The following NCAM1 variants were observed in gnomAD, a reference collection of about 807,000 sequenced individuals.
The protein encoded by NCAM1 is neural cell adhesion molecule 1.
A neutral mutation model predicts 109.8 loss-of-function variants in NCAM1; 14 were observed. The ratio of observed to expected loss-of-function variants is 0.13; its 90% confidence interval spans 0.08 to 0.20. NCAM1 has a LOEUF of 0.20. Among genes scored for constraint, NCAM1 ranks in the 10% least tolerant of loss-of-function variants. The pLI is 1.00. For missense variants in NCAM1, 774 were observed against 1,109.9 expected, an observed-to-expected ratio of 0.70 and a Z score of 4.30; for synonymous variants, 418 against 442.9, an observed-to-expected ratio of 0.94 and a Z score of 0.70.
chr11:113,224,389 G>A (rs533546325), intron 9 of NCAM1, among the ~76,000 whole-genome samples: 2 of 152,352 alleles, frequency 1.3e-5, no homozygotes, highest in Admixed American at 6.5e-5. Context: ...TGGGGGAGGG[G>A]CGCCCGCCAT....
chr11:113,209,093 G>A (rs533634895), intron 7 of NCAM1, among the ~76,000 whole-genome samples: 3 of 152,276 alleles, frequency 2.0e-5, no homozygotes, highest in East Asian at 1.9e-4. Flanking sequence ...GTCTCTCCGC[G>A]TGTCTGTTTA....
intron 1 of NCAM1, among the ~76,000 whole-genome samples, chr11:112,976,474 C>A (rs10789932): frequency 0.12 from 18,398 of 151,752 alleles, 1,216 homozygotes; most frequent in East Asian, 0.32. Flanking sequence ...ACAATTTAAA[C>A]CTACAGATTG....
chr11:113,194,106 A>C (rs1392299620), intron 1 of NCAM1, among the ~76,000 whole-genome samples: 1 of 152,192 alleles, frequency 6.6e-6, no homozygotes, highest in Non-Finnish European at 1.5e-5. Context: ...CCAGCAGCTC[A>C]TATAATTTAT....
chr11:113,089,503 C>T (rs1007476519), intron 1 of NCAM1, among the ~76,000 whole-genome samples: 37 of 151,980 alleles, frequency 2.4e-4, no homozygotes, highest in African/African-American at 8.2e-4. Flanking sequence ...GTTATGTTGC[C>T]CAAGCTGGAT....
chr11:113,058,150 G>A (rs1411241222), intron 1 of NCAM1, among the ~76,000 whole-genome samples: 1 of 152,142 alleles, frequency 6.6e-6, no homozygotes, highest in Non-Finnish European at 1.5e-5. Flanking sequence ...AGGGTGTGGT[G>A]ATGGGTGCCT....
At chr11:113,009,312 G>T (rs1269914467) in intron 1 of NCAM1, among the ~76,000 whole-genome samples, 7 of 79,654 alleles carry the variant, frequency 8.8e-5, no homozygotes, top group Admixed American at 1.4e-4. Context: ...GTTTTTTCGG[G>T]TTTTTTTTTT....
intron 1 of NCAM1, among the ~76,000 whole-genome samples, chr11:113,015,613 G>A (rs1319148432): frequency 1.3e-5 from 2 of 152,000 alleles, no homozygotes; most frequent in Non-Finnish European, 2.9e-5. Context: ...ATGGGTACCT[G>A]TAATTTCAGC....
intron 1 of NCAM1, among the ~76,000 whole-genome samples, chr11:113,149,507 G>C (rs1473496708): frequency 6.6e-6 from 1 of 152,184 alleles, no homozygotes; most frequent in Non-Finnish European, 1.5e-5. Flanking sequence ...AGAAGGGCTG[G>C]TGGCTGAGTT....
At chr11:113,240,407 C>T (rs1363930385) in intron 14 of NCAM1, 1 of 231,364 alleles carries the variant, frequency 4.3e-6, no homozygotes, top group African/African-American at 2.3e-5. Flanking sequence ...TGTCTATTTT[C>T]TCCTTCACTG....
At chr11:112,998,285 C>T (rs1951653237) in intron 1 of NCAM1, among the ~76,000 whole-genome samples, 1 of 152,142 alleles carries the variant, frequency 6.6e-6, no homozygotes, top group African/African-American at 2.4e-5. Flanking sequence ...TTCACCAAGG[C>T]ACATGCCTGT....
chr11:113,118,910 C>T (rs782087315), intron 1 of NCAM1, among the ~76,000 whole-genome samples: 8 of 151,904 alleles, frequency 5.3e-5, no homozygotes, highest in Non-Finnish European at 1.2e-4. Flanking sequence ...GATTACAGGG[C>T]ACAGACAAAC....
intron 9 of NCAM1, among the ~76,000 whole-genome samples, chr11:113,226,725 A>T (rs1455348360): frequency 6.6e-6 from 1 of 152,210 alleles, no homozygotes; most frequent in African/African-American, 2.4e-5. Context: ...ATGATAACAA[A>T]CTGTCTCTCA....
At chr11:113,261,345 C>T (rs528187342) in intron 17 of NCAM1, among the ~76,000 whole-genome samples, 9 of 152,162 alleles carry the variant, frequency 5.9e-5, no homozygotes, top group South Asian at 4.2e-4. Flanking sequence ...AGCAACAAAA[C>T]GGGATCAGTG....
chr11:112,991,319 A>T (rs1330746268), intron 1 of NCAM1, among the ~76,000 whole-genome samples: 1 of 152,172 alleles, frequency 6.6e-6, no homozygotes, highest in Non-Finnish European at 1.5e-5. Context: ...AAATAAACAA[A>T]CTAGAATTTA....
intron 1 of NCAM1, among the ~76,000 whole-genome samples, chr11:113,178,072 C>T (rs1386472206): frequency 2.6e-5 from 4 of 152,208 alleles, no homozygotes; most frequent in Middle Eastern, 3.4e-3. Context: ...ATCCAAGAAA[C>T]GAACATGAGA....
At chr11:113,154,245 C>G (rs545101457) in intron 1 of NCAM1, among the ~76,000 whole-genome samples, 1 of 152,010 alleles carries the variant, frequency 6.6e-6, no homozygotes, top group East Asian at 1.9e-4. Flanking sequence ...TTGGCAATAA[C>G]GAATAATGAT....
chr11:112,974,598 A>G (rs1555067364), intron 1 of NCAM1, among the ~76,000 whole-genome samples: 3 of 152,088 alleles, frequency 2.0e-5, no homozygotes, highest in African/African-American at 7.2e-5. Flanking sequence ...TGAATAAGAA[A>G]TGGATTGGGG....
chr11:113,113,352 G>A (rs1390980743), intron 1 of NCAM1, among the ~76,000 whole-genome samples: 1 of 152,160 alleles, frequency 6.6e-6, no homozygotes, highest in African/African-American at 2.4e-5. Flanking sequence ...TGGGCCAGAT[G>A]CACTGGGCAA....
At chr11:112,980,829 T>G (rs1555068620) in intron 1 of NCAM1, among the ~76,000 whole-genome samples, 1 of 151,858 alleles carries the variant, frequency 6.6e-6, no homozygotes, top group Admixed American at 6.6e-5. Context: ...TTGTGGGTAT[T>G]ATATCTTCAT....
Sources: gnomAD v4.1 joint callset for allele counts (sites outside exome capture counted in the v4.1 genomes callset) on GRCh38, gnomAD v4.1.1 for gene constraint, MANE v1.5 for transcripts, NCBI Gene and HGNC (gene_info 2026-07-23, HGNC 2026-07-21) for gene names.